The following KIF20B variants were observed in gnomAD, a reference collection of about 807,000 sequenced individuals.
The protein encoded by KIF20B is kinesin family member 20B, also known as kinesin-like protein KIF20B.
A neutral mutation model predicts 232.5 loss-of-function variants in KIF20B; 188 were observed. The observed-to-expected ratio is 0.81, with a 90% confidence interval of 0.72 to 0.91. KIF20B has a LOEUF of 0.91. KIF20B is among the 40% of genes least tolerant of loss of function. KIF20B has a pLI of 0.00. For missense variants in KIF20B, 2,154 were observed against 2,055.9 expected (o/e 1.05, Z -0.92); for synonymous variants, 712 against 683.0 (o/e 1.04, Z -0.66).
In KIF20B at chr10:89,711,215, A is replaced by G. The variant is rs576638267; in HGVS notation, c.675+70A>G. 9.8e-5 allele frequency: 94 copies of G among 961,124 alleles called. No homozygotes were observed. The African/African-American group carries it at 1.5e-3, about 15-fold the overall frequency. The allele number at this position is 961,124 out of a possible 1,614,324, so 59.5% of individuals were successfully genotyped here. ...TCTTATAAACCCTTTAGATTGTTTC[A>G]CCATATATTGGAATCTGGTTTGTGG... is the stretch of plus-strand genomic sequence containing the variant. On this transcript the variant is annotated intron_variant, in intron 6 of 32. Transcript: ENST00000371728.
intron 31 of KIF20B, 77 bp from the exon 32 acceptor site, chr10:89,772,612 A>G (rs1842486801): frequency 3.4e-6 from 3 of 887,384 alleles, no homozygotes; most frequent in South Asian, 2.0e-5. Context: ...ATTTCAAACC[A>G]TCTTTATTAA....
At chr10:89,704,236 GT>G (rs1344263870) in intron 1 of KIF20B, among the ~76,000 whole-genome samples, 1 of 152,104 alleles carries the variant, frequency 6.6e-6, no homozygotes, top group Non-Finnish European at 1.5e-5. Context: ...AGGAACCTTA[GT>G]TTGGGAGTCA....
chr10:89,753,151 G>A (rs892610587), intron 25 of KIF20B, among the ~76,000 whole-genome samples: 1 of 152,080 alleles, frequency 6.6e-6, no homozygotes, highest in Non-Finnish European at 1.5e-5. Context: ...TATTTTGTGT[G>A]TGTGTGTTTT....
chr10:89,756,723 C>A (rs1003927185), intron 26 of KIF20B, among the ~76,000 whole-genome samples: 1 of 152,086 alleles, frequency 6.6e-6, no homozygotes, highest in Non-Finnish European at 1.5e-5. Flanking sequence ...TTCAGTGTTA[C>A]ACTTCAGTTT....
chr10:89,728,996 G>A (rs1843258287), intron 17 of KIF20B, 132 bp from the exon 18 acceptor site: 4 of 798,012 alleles, frequency 5.0e-6, no homozygotes, highest in African/African-American at 3.7e-5. Flanking sequence ...TGCATAGTGT[G>A]TTGCCACTGA....
Position 89,724,381 on chromosome 10 carries a change from G to T in KIF20B, c.1862+278G>T, listed in dbSNP as rs542322775. On this transcript the variant is annotated intron_variant, in intron 14 of 32. Transcript: ENST00000371728. ...GTCTGTACTAAAAATAGAAAAATTA[G>T]CTGGGCGTACTGGCATGTTCCTGAA... Among the ~76,000 whole-genome samples, 15 of 152,118 alleles carry T rather than the reference G, an allele frequency of 9.9e-5. No individual in the cohort carries two copies. In the East Asian group the frequency reaches 2.9e-3, roughly 30 times the overall value.
At chr10:89,717,969 T>G (rs1159247192) in intron 11 of KIF20B, among the ~76,000 whole-genome samples, 2 of 152,186 alleles carry the variant, frequency 1.3e-5, no homozygotes, top group Non-Finnish European at 2.9e-5. Flanking sequence ...ATAGACACTG[T>G]AAATGAGAAG....
Position 89,738,095 on chromosome 10 carries a change from T to C in KIF20B, c.3254T>C (p.Ile1085Thr), listed in dbSNP as rs1360557001. Residue 1085 changes from isoleucine to threonine, a missense_variant, in exon 20 of 33, where the codon ATT (isoleucine) becomes ACT (threonine). Transcript: ENST00000371728. ...SHQIEELEQQ[I>T]EKLQAEVKGY... ...CAGATTGAGGAACTGGAACAACAAA[T>C]TGAAAAATTGCAGGCAGAAGTAAAA... 6.2e-7 allele frequency: 1 copy of C among 1,612,086 alleles called. No individual in the cohort carries two copies. The highest frequency in any genetic ancestry group is 8.5e-7 in the Non-Finnish European group (1 of 1,179,500).
chr10:89,768,802 T>C lies in KIF20B; in HGVS notation c.5156T>C (p.Val1719Ala), dbSNP rs780696522. The change falls in exon 31 of 33, where the codon GTA becomes GCA. Residue 1719 changes from valine to alanine, a missense_variant. By Grantham distance (64) the Val-to-Ala change is moderately conservative (BLOSUM62 0). Transcript: ENST00000371728. ...CGGAGTCAGGCATCCATAATTGGTG[T>C]AAACCTGGCCACTAAGAAAAAAGAA... The part of the protein sequence containing the change: ...SLRSQASIIG[V>A]NLATKKKEGT... 6.2e-7 allele frequency: 1 copy of C among 1,610,352 alleles called. No homozygotes were observed. The highest frequency in any genetic ancestry group is 8.5e-7 in the Non-Finnish European group (1 of 1,178,250).
chr10:89,765,399 T>C lies in KIF20B; in HGVS notation c.4989+2564T>C, dbSNP rs556255120. Among the ~76,000 whole-genome samples the C allele has an allele frequency of 4.4e-3, 663 of 152,202 alleles. 3 individuals carry two copies. Among genetic ancestry groups the C allele is most frequent in the Non-Finnish European group, 7.4e-3 (506 of 68,008 alleles). On this transcript the variant is annotated intron_variant, in intron 29 of 32. Transcript: ENST00000371728. ...TGAAATAAAAGTGGATACAAACAAATGGAAGAACATTCCATGCTCATGTGT... is the reference window on the plus strand; with the variant it reads ...TGAAATAAAAGTGGATACAAACAAACGGAAGAACATTCCATGCTCATGTGT...
chr10:89,754,317 A>C (rs1358709299), intron 25 of KIF20B, among the ~76,000 whole-genome samples: 2 of 152,054 alleles, frequency 1.3e-5, no homozygotes, highest in Non-Finnish European at 1.5e-5. Flanking sequence ...TTAACTTATA[A>C]ATGAAATGCG....
At chr10:89,724,497 C>G (rs1843134336) in intron 14 of KIF20B, among the ~76,000 whole-genome samples, 1 of 152,040 alleles carries the variant, frequency 6.6e-6, no homozygotes, top group Non-Finnish European at 1.5e-5. Context: ...TCACTGCACT[C>G]CAGCCTGGGC....
chr10:89,757,336 T>G (rs1264514602), intron 26 of KIF20B, among the ~76,000 whole-genome samples: 1 of 151,896 alleles, frequency 6.6e-6, no homozygotes, highest in East Asian at 1.9e-4. Context: ...TGTTGGATTA[T>G]CTAGCTTCTT....
chr10:89,705,266 G>T (rs1842698937), intron 1 of KIF20B, 28 bp from the exon 2 acceptor site: 3 of 1,607,822 alleles, frequency 1.9e-6, no homozygotes, highest in Non-Finnish European at 2.6e-6. Context: ...TATTAAGGTT[G>T]TTAAAGAAGT....
chr10:89,751,956 AG>A (rs968283174), intron 24 of KIF20B, among the ~76,000 whole-genome samples: 10 of 152,056 alleles, frequency 6.6e-5, no homozygotes, highest in African/African-American at 2.2e-4. Context: ...GAAATTGTCT[AG>A]CCATTTTATA....
At chr10:89,763,151 C>G (rs1842280886) in intron 29 of KIF20B, among the ~76,000 whole-genome samples, 1 of 152,018 alleles carries the variant, frequency 6.6e-6, no homozygotes, top group Non-Finnish European at 1.5e-5. Flanking sequence ...AGTGGTGGTG[C>G]ACACCTCTAA....
intron 25 of KIF20B, among the ~76,000 whole-genome samples, chr10:89,753,670 G>T (rs981941181): frequency 1.3e-5 from 2 of 152,102 alleles, no homozygotes; most frequent in Non-Finnish European, 2.9e-5. Flanking sequence ...TGCCAGGCTG[G>T]AGTGCAGTGA....
Position 89,772,844 on chromosome 10 carries a change from TTC to T in KIF20B, c.5385+15_5385+16del. On this transcript the variant is annotated intron_variant, in intron 32 of 32. Transcript: ENST00000371728. The stretch of plus-strand genomic sequence containing the variant: ...ATCAGGCCAAGTGGTAAGCTAGTAT[TTC>T]TGTTTTCATCAATGTAGAACTGTTC... The T allele has an allele frequency of 6.3e-7, 1 of 1,596,740 alleles. No individual in the cohort carries two copies. Among genetic ancestry groups the T allele is most frequent in the South Asian group, 1.1e-5 (1 of 87,394 alleles).
At chr10:89,764,958 T>C (rs997769675) in intron 29 of KIF20B, among the ~76,000 whole-genome samples, 3 of 151,732 alleles carry the variant, frequency 2.0e-5, no homozygotes, top group African/African-American at 7.3e-5. Context: ...GTTTTAGACA[T>C]GAAGTCCTTG....
Sources: gnomAD v4.1 joint callset for allele counts (sites outside exome capture counted in the v4.1 genomes callset) on GRCh38, gnomAD v4.1.1 for gene constraint, MANE v1.5 for transcripts, NCBI Gene and HGNC (gene_info 2026-07-23, HGNC 2026-07-21) for gene names.